Variants in XKRX observed in about 807,000 individuals in gnomAD.
The protein encoded by XKRX is XK related X-linked, also known as XK-related protein 2.
Under a neutral mutation model 22.4 loss-of-function variants are expected in XKRX, and 11 were observed. That is an observed-to-expected ratio of 0.49 (90% CI 0.31 to 0.81). The LOEUF (loss-of-function observed/expected upper bound fraction) is 0.81. Ranked by LOEUF, XKRX falls within the 40% of genes least tolerant of loss-of-function variation. XKRX has a pLI of 0.05. For missense variants in XKRX, 320 were observed against 336.5 expected, an observed-to-expected ratio of 0.95 and a Z score of 0.38; for synonymous variants, 114 against 132.2, an observed-to-expected ratio of 0.86 and a Z score of 0.94.
chrX:100,931,279 T>G (rs1222271887), upstream of XKRX, among the ~76,000 whole-genome samples: 1 of 111,122 alleles, frequency 9.0e-6, no homozygotes, highest in Non-Finnish European at 1.9e-5. Context: ...AAATTTACAA[T>G]GCCTTCCTAC....
the XKRX span, among the ~76,000 whole-genome samples, chrX:100,958,303 G>A: frequency 8.0e-5 from 9 of 112,075 alleles, no homozygotes; most frequent in Non-Finnish European, 1.7e-4. Flanking sequence ...ATTTAATTAT[G>A]TTGGAGTACA....
At chrX:100,908,792 C>A (rs753503786), downstream of XKRX, among the ~76,000 whole-genome samples, 3 of 111,308 alleles carry the variant, frequency 2.7e-5, no homozygotes, top group Admixed American at 2.9e-4. Flanking sequence ...TACCCTACCC[C>A]ACAGATGCCT....
the XKRX span, among the ~76,000 whole-genome samples, chrX:100,905,764 G>A: frequency 8.9e-6 from 1 of 112,043 alleles, no homozygotes; most frequent in South Asian, 3.7e-4. Flanking sequence ...GAGGAAACCA[G>A]TAAGGTGGCA....
chrX:100,900,324 G>A, the XKRX span, among the ~76,000 whole-genome samples: 1 of 110,588 alleles, frequency 9.0e-6, no homozygotes, highest in African/African-American at 3.3e-5. Flanking sequence ...GCCTCCCAAA[G>A]TTCTGGGATT....
At chrX:100,927,275 GT>G (rs1226559780) in intron 1 of XKRX, among the ~76,000 whole-genome samples, 2 of 109,748 alleles carry the variant, frequency 1.8e-5, no homozygotes, top group Non-Finnish European at 3.8e-5. Flanking sequence ...TACCTTCCGG[GT>G]TCAAGTGATT....
chrX:100,940,941 C>A, the XKRX span, among the ~76,000 whole-genome samples: 1,400 of 111,687 alleles, frequency 0.013, 18 homozygotes, highest in African/African-American at 0.042. Flanking sequence ...TTGCCCACCC[C>A]CTCCAACCCA....
At position 100,928,421 on chromosome X, in the gene XKRX, CCA is replaced by C. The variant is rs758844855; in HGVS notation, c.-119_-118del. On this transcript the variant is annotated 5_prime_UTR_variant, in exon 1 of 3. The change abolishes the stop of an existing upstream ORF in the 5' untranslated region. Coordinates refer to ENST00000372956, the MANE Select transcript of XKRX (RefSeq NM_212559.3). ...ATAGGTGAGGAGAGCTCTGTCAAGTCCAGTTTGGGAACAGAGATTCACTAGTT... is the reference window on the plus strand; with the variant it reads ...ATAGGTGAGGAGAGCTCTGTCAAGTCGTTTGGGAACAGAGATTCACTAGTT... 4.7e-5 allele frequency: 53 copies of C among 1,135,167 alleles called. No homozygotes were observed. In the African/African-American group the frequency reaches 8.4e-4, roughly 18 times the overall value. The allele number at this position is 1,135,167 out of a possible 1,213,427, so 93.6% of individuals were successfully genotyped here. A position where few individuals can be genotyped will look rare whatever the true frequency, so the allele number is the denominator to read the frequency against.
At chrX:100,936,106 G>A in the XKRX span, among the ~76,000 whole-genome samples, 1 of 111,404 alleles carries the variant, frequency 9.0e-6, no homozygotes, top group Non-Finnish European at 1.9e-5. Context: ...CAATATATAC[G>A]TTTTCTGCCT....
the XKRX span, among the ~76,000 whole-genome samples, chrX:100,896,972 C>A: frequency 8.9e-6 from 1 of 112,266 alleles, no homozygotes; most frequent in Non-Finnish European, 1.9e-5. Flanking sequence ...AGAATACCTT[C>A]AAATTACTTT....
At chrX:100,915,713 T>C (rs865970134) in intron 2 of XKRX, among the ~76,000 whole-genome samples, 7 of 103,677 alleles carry the variant, frequency 6.8e-5, no homozygotes, top group East Asian at 3.0e-4. Context: ...TGTGTGCGTG[T>C]GTGTGTGTGT....
the XKRX span, among the ~76,000 whole-genome samples, chrX:100,904,250 A>G: frequency 9.0e-6 from 1 of 111,693 alleles, no homozygotes; most frequent in Non-Finnish European, 1.9e-5. Flanking sequence ...TTTTCAACAA[A>G]TAATACTGGA....
chrX:100,927,043 T>C (rs2085500563), intron 1 of XKRX, among the ~76,000 whole-genome samples: 1 of 111,048 alleles, frequency 9.0e-6, no homozygotes, highest in African/African-American at 3.3e-5. Flanking sequence ...AAAGAAACTT[T>C]TATCCAATTT....
At chrX:100,909,833 G>T (rs1331476377), downstream of XKRX, among the ~76,000 whole-genome samples, 1 of 101,022 alleles carries the variant, frequency 9.9e-6, no homozygotes, top group East Asian at 3.1e-4. Context: ...AACCCACAAG[G>T]CGGATGTTGC....
chrX:100,930,848 T>A (rs1450423847), upstream of XKRX, among the ~76,000 whole-genome samples: 1 of 109,636 alleles, frequency 9.1e-6, no homozygotes, highest in African/African-American at 3.3e-5. Flanking sequence ...CATGAGAGAG[T>A]CAGCCGGGCG....
chrX:100,888,282 C>A, the XKRX span: 2 of 713,665 alleles, frequency 2.8e-6, no homozygotes, highest in Admixed American at 2.2e-5. Context: ...ATCTTTTTCA[C>A]AGTTAAGTGG....
the XKRX span, chrX:100,888,479 C>A: frequency 8.0e-5 from 73 of 918,188 alleles, no homozygotes; most frequent in Non-Finnish European, 1.1e-4. Context: ...TGTGAGCATT[C>A]CCCATCGCTC....
chrX:100,946,905 G>A, the XKRX span, among the ~76,000 whole-genome samples: 813 of 111,813 alleles, frequency 7.3e-3, 9 homozygotes, highest in African/African-American at 0.025. Context: ...AGATCAGGAG[G>A]GTTAAGTAGA....
chrX:100,949,088 C>T, the XKRX span, among the ~76,000 whole-genome samples: 1 of 112,518 alleles, frequency 8.9e-6, no homozygotes, highest in African/African-American at 3.2e-5. Flanking sequence ...CGACAAGGCC[C>T]GACAGGGAGC....
chrX:100,957,165 G>C, the XKRX span: 2 of 1,100,642 alleles, frequency 1.8e-6, no homozygotes, highest in Non-Finnish European at 2.5e-6. Flanking sequence ...GCAGCAGCTG[G>C]TTCACAAAAA....
Sources: allele counts gnomAD v4.1 joint callset (sites outside exome capture counted in the v4.1 genomes callset), GRCh38; gene constraint gnomAD v4.1.1; transcripts MANE v1.5; gene names NCBI Gene and HGNC (gene_info 2026-07-23, HGNC 2026-07-21).